MORN1: variants seen among roughly 807,000 people sequenced by gnomAD.
MORN1 encodes MORN repeat containing 1.
Under a neutral mutation model 61.9 loss-of-function variants are expected in MORN1, and 67 were observed. The ratio of observed to expected loss-of-function variants is 1.08; its 90% CI spans 0.89 to 1.33. The LOEUF is 1.33. Ranked by LOEUF, MORN1 falls within the 40% of genes most tolerant of loss-of-function variation. The pLI is 0.00. For missense variants in MORN1, 752 were observed against 691.2 expected (o/e 1.09, Z -0.99); for synonymous variants, 301 against 292.0 (o/e 1.03, Z -0.31).
intron 7 of MORN1, among the ~76,000 whole-genome samples, chr1:2,373,902 A>G (rs1331176636): frequency 6.6e-6 from 1 of 152,208 alleles, no homozygotes; most frequent in African/African-American, 2.4e-5. Flanking sequence ...GAGACCTTGC[A>G]GGTGCCCCGG....
At chr1:2,341,615 C>T (rs1440757007) in intron 10 of MORN1, among the ~76,000 whole-genome samples, 14 of 151,168 alleles carry the variant, frequency 9.3e-5, no homozygotes, top group African/African-American at 2.4e-4. Flanking sequence ...CGCTTGAACA[C>T]GGGAGGCAGA....
In MORN1 at chr1:2,370,927, C is replaced by T. The variant is rs540762183; in HGVS notation, c.745+1554G>A. ...CTGGTCTTGATCTCCTGGACTTGGC[C>T]GGGCACGGTGGCTCACGTCTGTAAT... On this transcript the variant is annotated intron_variant, in intron 8 of 13. Transcript: ENST00000378531. 7.5e-4 allele frequency among the ~76,000 whole-genome samples: 114 copies of T among 151,918 alleles called. 1 individual carries two copies. Among genetic ancestry groups the T allele is most frequent in the East Asian group, 3.9e-4 (2 of 5,172 alleles).
intron 12 of MORN1, among the ~76,000 whole-genome samples, chr1:2,329,719 C>T (rs1009326156): frequency 3.9e-5 from 6 of 152,282 alleles, no homozygotes; most frequent in Admixed American, 3.3e-4. Context: ...CCGAGCAGGC[C>T]GGAGTCACCA....
intron 10 of MORN1, among the ~76,000 whole-genome samples, chr1:2,346,544 C>T (rs927119467): frequency 3.3e-5 from 5 of 152,166 alleles, no homozygotes; most frequent in Non-Finnish European, 7.4e-5. Context: ...CGCCACCACA[C>T]CTGGCTAATT....
rs1023869101 is a variant in MORN1 at position 2,357,506 on chromosome 1, G to A, written c.962C>T (p.Pro321Leu). The change falls in exon 10 of 14, where the codon CCC becomes CTC. Residue 321 changes from proline to leucine, a missense_variant. Physicochemically the swap from Pro to Leu is moderately conservative, Grantham distance 98. Coordinates refer to ENST00000378531, the MANE Select transcript of MORN1 (RefSeq NM_024848.3). This position sits in a 1 kb window ranked among gnomAD's most constrained non-coding sequence, Gnocchi z 6.3. ...AAKGGAEADVPLPRGDLELHL... is the reference protein window; with the variant it reads ...AAKGGAEADVLLPRGDLELHL... ...CAGCTCCAGGTCTCCCCTGGGCAGGGGCACGTCGGCTTCTGCCCCTCCCTT... is the reference window on the plus strand; with the variant it reads ...CAGCTCCAGGTCTCCCCTGGGCAGGAGCACGTCGGCTTCTGCCCCTCCCTT... 9 of 1,612,784 alleles carry A rather than the reference G, an allele frequency of 5.6e-6. No homozygotes were observed. The highest frequency in any genetic ancestry group is 5.0e-5 in the Admixed American group (3 of 59,980).
At chr1:2,342,887 T>TTTATTTTA (rs1641432566) in intron 10 of MORN1, among the ~76,000 whole-genome samples, 3 of 113,346 alleles carry the variant, frequency 2.6e-5, no homozygotes, top group African/African-American at 9.4e-5. Flanking sequence ...TTTTATTTTA[T>TTTATTTTA]TTTATTTTAT....
intron 12 of MORN1, among the ~76,000 whole-genome samples, chr1:2,336,105 C>T (rs914700341): frequency 3.9e-5 from 6 of 152,254 alleles, no homozygotes; most frequent in Non-Finnish European, 7.3e-5. Flanking sequence ...CCTCAAGCCA[C>T]TGCCCTGAAC....
chr1:2,322,910 G>T (rs1460598198), intron 13 of MORN1: 7 of 985,320 alleles, frequency 7.1e-6, no homozygotes, highest in Non-Finnish European at 6.0e-6. Flanking sequence ...GGCAGGCCGG[G>T]CCTCGACGGC....
rs1020271063 is a variant in MORN1, at chr1:2,332,390, C to T, written c.1250+4079G>A. The T allele has an allele frequency of 2.0e-4, 70 of 347,796 alleles. 1 individual carries two copies. The highest frequency in any genetic ancestry group is 1.0e-3 in the South Asian group (47 of 46,014). The allele number at this position is 347,796 out of a possible 1,614,324, so 21.5% of individuals were successfully genotyped here. A position where few individuals can be genotyped will look rare whatever the true frequency, so the allele number is the denominator to read the frequency against. ...GACTGTTGCTCACGGACTCCAGCAT[C>T]GGAAGGAATGCTCCCTGTCCTTGGT... is the stretch of plus-strand genomic sequence containing the variant. On this transcript the variant is annotated intron_variant, in intron 12 of 13. Coordinates refer to ENST00000378531, the MANE Select transcript of MORN1 (RefSeq NM_024848.3).
intron 12 of MORN1, among the ~76,000 whole-genome samples, chr1:2,327,472 A>T (rs1641059367): frequency 6.6e-6 from 1 of 150,836 alleles, no homozygotes; most frequent in East Asian, 1.9e-4. Context: ...ACAGAAACAC[A>T]GAAACACACA....
Position 2,372,586 on chromosome 1 carries a change from C to T in MORN1, c.640G>A (p.Ala214Thr). The T allele has an allele frequency of 6.2e-7, 1 of 1,613,008 alleles. No homozygotes were observed. The highest frequency in any genetic ancestry group is 8.5e-7 in the Non-Finnish European group (1 of 1,179,536). Residue 214 changes from alanine (A) to threonine (T), a missense_variant, in exon 8 of 14, where the codon GCT (alanine) becomes ACT (threonine). Ala to Thr is a moderately conservative substitution (Grantham distance 58). Transcript: ENST00000378531. The surrounding 1 kb of genome is among the most constrained non-coding windows in gnomAD (Gnocchi z 5.4). ...LWINGHPAEQ[A>T]TRIVILGPEV... The stretch of plus-strand genomic sequence containing the variant: ...GGACCCAAGATCACGATCCTCGTAG[C>T]TTGTTCTGGGAGAGGACAGAGTGTG...
chr1:2,388,590 C>CA lies in MORN1; in HGVS notation c.149-254dup. 3 of 434,694 alleles carry CA rather than the reference C, an allele frequency of 6.9e-6. 1 individual carries two copies. In the South Asian group the frequency reaches 8.1e-5, roughly 12 times the overall value. 26.9% of individuals were successfully genotyped at this position (434,694 alleles called of 1,614,324 possible). A position where few individuals can be genotyped will look rare whatever the true frequency, so the allele number is the denominator to read the frequency against. On this transcript the variant is annotated intron_variant, in intron 2 of 13. Coordinates refer to ENST00000378531, the MANE Select transcript of MORN1 (RefSeq NM_024848.3). ...TCGAAGTGCAGGCAGCCAGCCTGAGCAACACGGAGAGACCCCGTCTCTACA... is the reference window on the plus strand; with the variant it reads ...TCGAAGTGCAGGCAGCCAGCCTGAGCAAACACGGAGAGACCCCGTCTCTACA...
chr1:2,329,512 G>A (rs979037571), intron 12 of MORN1, among the ~76,000 whole-genome samples: 1 of 152,172 alleles, frequency 6.6e-6, no homozygotes, highest in Non-Finnish European at 1.5e-5. Context: ...CCCCGCCTGC[G>A]GGACACCAAT....
intron 6 of MORN1, chr1:2,376,558 C>T (rs577767588): frequency 1.3e-5 from 2 of 152,324 alleles, no homozygotes; most frequent in Admixed American, 6.6e-5. Context: ...CAGACACACT[C>T]GAGTCATGAG....
chr1:2,375,634 C>T (rs1052810849), intron 6 of MORN1: 9 of 152,360 alleles, frequency 5.9e-5, no homozygotes, highest in Non-Finnish European at 1.0e-4. Flanking sequence ...CGCCTCCAGG[C>T]AGGGGGCTCC....
chr1:2,358,291 G>A (rs1260671925), intron 9 of MORN1, among the ~76,000 whole-genome samples: 3 of 152,108 alleles, frequency 2.0e-5, no homozygotes, highest in Non-Finnish European at 4.4e-5. Flanking sequence ...CCCGAGGGCC[G>A]GAGTCCTGAT....
chr1:2,340,880 G>A (rs1378487029), intron 10 of MORN1, among the ~76,000 whole-genome samples: 1 of 152,196 alleles, frequency 6.6e-6, no homozygotes, highest in Non-Finnish European at 1.5e-5. Context: ...ACGACCTGTG[G>A]CCGCCACACA....
intron 12 of MORN1, among the ~76,000 whole-genome samples, chr1:2,325,662 T>G (rs1641012429): frequency 8.3e-6 from 1 of 119,830 alleles, no homozygotes; most frequent in Admixed American, 8.3e-5. Context: ...TTTTTTTTTT[T>G]TTAGCAATAG....
In MORN1 at chr1:2,336,840, A is replaced by G. The variant is rs1483600767; in HGVS notation, c.1047T>C (p.His349=). The change falls in exon 11 of 14, where the codon CAT becomes CAC. Residue 349 remains histidine, a synonymous_variant. Coordinates refer to ENST00000378531, the MANE Select transcript of MORN1 (RefSeq NM_024848.3). Reference sequence around the variant, plus strand: ...GACAGGCCCCGGGACAATGGGGCGCATGTCCCCTGGCTGAGGAGACAGAAT... The same window carrying G: ...GACAGGCCCCGGGACAATGGGGCGCGTGTCCCCTGGCTGAGGAGACAGAAT... The part of the protein sequence containing the change: ...DTPGGLLARG[H]APHCPGACQR... 1.3e-6 allele frequency: 2 copies of G among 1,571,680 alleles called. No homozygotes were observed. Among genetic ancestry groups the G allele is most frequent in the East Asian group, 2.3e-5 (1 of 44,306 alleles).
Sources: gnomAD v4.1 joint callset for allele counts (sites outside exome capture counted in the v4.1 genomes callset) on GRCh38, gnomAD v4.1.1 for gene constraint, Gnocchi (gnomAD v3.1) non-coding constraint, MANE v1.5 for transcripts, NCBI Gene and HGNC (gene_info 2026-07-23, HGNC 2026-07-21) for gene names.